Variants in PTPRG observed in about 807,000 individuals in gnomAD.
PTPRG encodes receptor-type tyrosine-protein phosphatase gamma.
PTPRG carries 102 observed loss-of-function variants against 165.3 expected under a neutral mutation model. That is an observed-to-expected ratio of 0.62 (90% CI 0.53 to 0.73). The LOEUF is 0.73. Among genes scored for constraint, PTPRG ranks in the 30% least tolerant of loss-of-function variants. PTPRG has a pLI of 0.00. For missense variants in PTPRG, 1,866 were observed against 1,861.4 expected (o/e 1.00, Z -0.05); for synonymous variants, 675 against 669.5 (o/e 1.01, Z -0.13).
chr3:61,764,774 C>T (rs550691922), intron 2 of PTPRG, among the ~76,000 whole-genome samples: 1 of 152,300 alleles, frequency 6.6e-6, no homozygotes, highest in African/African-American at 2.4e-5. Flanking sequence ...TGTATTCTTG[C>T]TTAGGATAAA....
intron 4 of PTPRG, among the ~76,000 whole-genome samples, chr3:62,031,301 T>C (rs1325545278): frequency 6.6e-6 from 1 of 151,780 alleles, no homozygotes; most frequent in East Asian, 1.9e-4. Context: ...CAAAGAAGAG[T>C]GGTATATTCT....
At chr3:62,120,954 G>GT (rs1297832307) in intron 5 of PTPRG, among the ~76,000 whole-genome samples, 19 of 150,762 alleles carry the variant, frequency 1.3e-4, no homozygotes, top group Non-Finnish European at 2.7e-4. Flanking sequence ...ATAGCTATAG[G>GT]TTTTTTTTCA....
intron 4 of PTPRG, among the ~76,000 whole-genome samples, chr3:62,021,080 A>G (rs1002536603): frequency 3.9e-5 from 6 of 152,126 alleles, no homozygotes; most frequent in African/African-American, 1.4e-4. Context: ...TCATCTGTTG[A>G]ACTTGTTCCC....
chr3:62,147,400 A>C (rs922773306), intron 6 of PTPRG, among the ~76,000 whole-genome samples: 4 of 152,180 alleles, frequency 2.6e-5, no homozygotes, highest in Non-Finnish European at 4.4e-5. Context: ...CCTGGCTTCT[A>C]CTAGACTCAG....
At chr3:61,922,944 A>G (rs1298238464) in intron 2 of PTPRG, among the ~76,000 whole-genome samples, 4 of 152,188 alleles carry the variant, frequency 2.6e-5, no homozygotes, top group African/African-American at 9.6e-5. Flanking sequence ...CCCCACCCAA[A>G]TTAACCTCTT....
intron 2 of PTPRG, among the ~76,000 whole-genome samples, chr3:61,821,421 G>C (rs980778452): frequency 6.6e-6 from 1 of 152,084 alleles, no homozygotes; most frequent in Non-Finnish European, 1.5e-5. Flanking sequence ...CACCCGCCTC[G>C]GCCTCCCAAA....
At chr3:61,647,244 C>G (rs1033028208) in intron 1 of PTPRG, among the ~76,000 whole-genome samples, 5 of 152,134 alleles carry the variant, frequency 3.3e-5, no homozygotes, top group Non-Finnish European at 7.4e-5. Context: ...AACAGCTCTT[C>G]CTGTCTTTCA....
chr3:62,161,817 T>C (rs1436522917), intron 7 of PTPRG, among the ~76,000 whole-genome samples: 1 of 152,236 alleles, frequency 6.6e-6, no homozygotes, highest in African/African-American at 2.4e-5. Context: ...GGGAATTTAA[T>C]ATTCCATTAT....
intron 2 of PTPRG, among the ~76,000 whole-genome samples, chr3:61,789,003 C>T (rs1281363290): frequency 6.6e-6 from 1 of 152,172 alleles, no homozygotes; most frequent in Non-Finnish European, 1.5e-5. Context: ...TGTTTAGGTG[C>T]TGTGTCTTAA....
intron 6 of PTPRG, among the ~76,000 whole-genome samples, chr3:62,142,113 A>G (rs1395411165): frequency 6.6e-6 from 1 of 150,880 alleles, no homozygotes; most frequent in Admixed American, 6.7e-5. Flanking sequence ...GGCAGGCTGA[A>G]TGAGAACTGG....
intron 4 of PTPRG, among the ~76,000 whole-genome samples, chr3:62,067,880 C>G (rs80341499): frequency 0.012 from 1,902 of 152,256 alleles, 36 homozygotes; most frequent in African/African-American, 0.044. Context: ...AAAAATGTCT[C>G]TAGACATGGC....
intron 2 of PTPRG, among the ~76,000 whole-genome samples, chr3:61,986,076 T>C (rs2040754341): frequency 6.6e-6 from 1 of 150,560 alleles, no homozygotes; most frequent in South Asian, 2.1e-4. Flanking sequence ...CTAAAATAAA[T>C]ATGACAATGA....
intron 2 of PTPRG, among the ~76,000 whole-genome samples, chr3:61,904,546 A>C (rs1267552703): frequency 6.6e-6 from 1 of 152,104 alleles, no homozygotes; most frequent in Non-Finnish European, 1.5e-5. Flanking sequence ...AATTTACAGG[A>C]TTTAAAACCT....
At chr3:62,146,280 C>G (rs1207174120) in intron 6 of PTPRG, among the ~76,000 whole-genome samples, 2 of 152,192 alleles carry the variant, frequency 1.3e-5, no homozygotes, top group Non-Finnish European at 1.5e-5. Flanking sequence ...GCTGAAACCT[C>G]TAATAAAGTT....
intron 5 of PTPRG, among the ~76,000 whole-genome samples, chr3:62,093,428 G>T (rs377186750): frequency 6.6e-6 from 1 of 152,226 alleles, no homozygotes; most frequent in African/African-American, 2.4e-5. Context: ...ACGTGCCATT[G>T]TCTGTTGGTT....
chr3:61,738,983 T>G (rs28655034), intron 1 of PTPRG: 21 of 78,404 alleles, frequency 2.7e-4, no homozygotes, highest in African/African-American at 1.3e-3. Context: ...TTTTTTTTTT[T>G]TTTTTTTGTT....
intron 6 of PTPRG, among the ~76,000 whole-genome samples, chr3:62,152,635 A>G (rs2106683757): frequency 6.6e-6 from 1 of 152,338 alleles, no homozygotes; most frequent in Non-Finnish European, 1.5e-5. Context: ...ATTTTCAGAA[A>G]GATCACTGCA....
intron 1 of PTPRG, chr3:61,742,539 C>G (rs1575625062): frequency 6.3e-7 from 1 of 1,596,782 alleles, no homozygotes. Context: ...GCAATGACAC[C>G]AAGAAGTTGA....
intron 13 of PTPRG, among the ~76,000 whole-genome samples, chr3:62,221,953 C>A (rs550090928): frequency 6.1e-4 from 93 of 152,352 alleles, no homozygotes; most frequent in Non-Finnish European, 1.3e-3. Context: ...GAGTGCCAGG[C>A]ACTGTGCCAA....
Sources: allele counts gnomAD v4.1 joint callset (sites outside exome capture counted in the v4.1 genomes callset), GRCh38; gene constraint gnomAD v4.1.1; transcripts MANE v1.5; gene names NCBI Gene and HGNC (gene_info 2026-07-23, HGNC 2026-07-21).